Variants in TGFB3 observed in about 807,000 individuals in gnomAD.
TGFB3 encodes the protein transforming growth factor beta-3 proprotein.
Under a neutral mutation model 40.1 loss-of-function variants are expected in TGFB3, and 5 were observed. The observed-to-expected ratio is 0.12, with a 90% confidence interval of 0.07 to 0.26. TGFB3 has a LOEUF of 0.26. Among genes scored for constraint, TGFB3 ranks in the 10% least tolerant of loss-of-function variants. The pLI, the probability that TGFB3 is intolerant of heterozygous loss-of-function variation, is 1.00. For synonymous variants in TGFB3, 184 were observed against 205.6 expected (o/e 0.89, Z 0.90); for missense variants, 373 against 530.1 (o/e 0.70, Z 2.91).
In TGFB3 at chr14:75,980,526, G is replaced by C. The variant is rs1475238665; in HGVS notation, c.352+16C>G. ...GACCCTCCAGAGCAGACACCCCAGC[G>C]AGAATTTGGACTTACTGTGCTCCGC... On this transcript the variant is annotated intron_variant, in intron 1 of 6. Transcript: ENST00000238682. This position sits in a 1 kb window ranked among gnomAD's most constrained non-coding sequence, Gnocchi z 4.3. The C allele has an allele frequency of 1.2e-6, 2 of 1,613,448 alleles. No individual in the cohort carries two copies. The highest frequency in any genetic ancestry group is 1.7e-6 in the Non-Finnish European group (2 of 1,179,348).
chr14:75,962,307 C>T (rs2035167098), intron 5 of TGFB3, among the ~76,000 whole-genome samples: 1 of 152,196 alleles, frequency 6.6e-6, no homozygotes, highest in Non-Finnish European at 1.5e-5. Flanking sequence ...TGATTTGTTC[C>T]TAACTGATGG....
chr14:75,959,170 C>G lies in TGFB3; in HGVS notation c.*17G>C. ...AGTGGTGGTTCTCTCTCCCCTCTCT[C>G]TGTCGCACGTGGGGTCTCAGCTACA... On this transcript the variant is annotated 3_prime_UTR_variant, in exon 7 of 7. Transcript: ENST00000238682. The G allele has an allele frequency of 6.2e-7, 1 of 1,614,154 alleles. No individual in the cohort carries two copies. Among genetic ancestry groups the G allele is most frequent in the Non-Finnish European group, 8.5e-7 (1 of 1,179,998 alleles).
rs2035441226 is a variant in TGFB3 at position 75,981,971 on chromosome 14, C to G, written c.-1078G>C. Among the ~76,000 whole-genome samples the G allele has an allele frequency of 6.6e-6, 1 of 151,856 alleles. No homozygotes were observed. Among genetic ancestry groups the G allele is most frequent in the Non-Finnish European group, 1.5e-5 (1 of 67,954 alleles). On this transcript the variant is annotated 5_prime_UTR_variant, in exon 1 of 7. Transcript: ENST00000238682. The surrounding 1 kb of genome is among the most constrained non-coding windows in gnomAD (Gnocchi z 4.7). Reference sequence around the variant, plus strand: ...CGCTCCTCTCCCTCTCTCTCTCACACACACACACATGCACACACACTGCTT... The same window carrying G: ...CGCTCCTCTCCCTCTCTCTCTCACAGACACACACATGCACACACACTGCTT...
rs948456812 is a variant in TGFB3 at position 75,980,290 on chromosome 14, G to C, written c.352+252C>G. Reference sequence around the variant, plus strand: ...AATTAAAATCAGTCAAGGATGTGATGTGAATTCAGCAAGCCACTCAGCTCC... The same window carrying C: ...AATTAAAATCAGTCAAGGATGTGATCTGAATTCAGCAAGCCACTCAGCTCC... On this transcript the variant is annotated intron_variant, in intron 1 of 6. Transcript: ENST00000238682. The surrounding 1 kb of genome is among the most constrained non-coding windows in gnomAD (Gnocchi z 4.3). Among the ~76,000 whole-genome samples, 2 of 152,210 alleles carry C rather than the reference G, an allele frequency of 1.3e-5. No individual in the cohort carries two copies. The highest frequency in any genetic ancestry group is 2.9e-5 in the Non-Finnish European group (2 of 68,032).
rs756473057 is a variant in TGFB3, at chr14:75,980,168, G to C, written c.352+374C>G. ...AACCGTAAGGGCTCCTGACAGAGCCGGCCTTCCCCTTTATGGCACCCAGAT... is the reference window on the plus strand; with the variant it reads ...AACCGTAAGGGCTCCTGACAGAGCCCGCCTTCCCCTTTATGGCACCCAGAT... On this transcript the variant is annotated intron_variant, in intron 1 of 6. Coordinates refer to ENST00000238682, the MANE Select transcript of TGFB3 (RefSeq NM_003239.5). This position sits in a 1 kb window ranked among gnomAD's most constrained non-coding sequence, Gnocchi z 4.3. Among the ~76,000 whole-genome samples the C allele has an allele frequency of 2.0e-5, 3 of 152,156 alleles. No individual in the cohort carries two copies. Among genetic ancestry groups the C allele is most frequent in the South Asian group, 4.1e-4 (2 of 4,830 alleles).
At chr14:75,976,842 T>C (rs1408708109) in intron 1 of TGFB3, among the ~76,000 whole-genome samples, 2 of 152,200 alleles carry the variant, frequency 1.3e-5, no homozygotes, top group Non-Finnish European at 2.9e-5. Flanking sequence ...CTGTAGGCAC[T>C]TGTGTTTGCC....
Position 75,978,415 on chromosome 14 carries a change from C to T in TGFB3, c.352+2127G>A, listed in dbSNP as rs1316083844. On this transcript the variant is annotated intron_variant, in intron 1 of 6. Transcript: ENST00000238682. This position sits in a 1 kb window ranked among gnomAD's most constrained non-coding sequence, Gnocchi z 5.0. ...TGTGTGTCTGCCTCTCTGGGGTGGG[C>T]TCAGCACCCGACCAGCTGCAGGGCG... Among the ~76,000 whole-genome samples the T allele has an allele frequency of 6.6e-6, 1 of 152,196 alleles. No homozygotes were observed. The highest frequency in any genetic ancestry group is 6.5e-5 in the Admixed American group (1 of 15,280).
intron 5 of TGFB3, among the ~76,000 whole-genome samples, chr14:75,961,620 C>T (rs2140236632): frequency 6.6e-6 from 1 of 152,308 alleles, no homozygotes; most frequent in East Asian, 1.9e-4. Context: ...AATTCTGTTG[C>T]CTACAGAGAT....
rs1191369907 is a variant in TGFB3, at chr14:75,971,569, T to G, written c.502A>C (p.Ile168Leu). The G allele has an allele frequency of 6.2e-7, 1 of 1,614,054 alleles. No individual in the cohort carries two copies. The highest frequency in any genetic ancestry group is 8.5e-7 in the Non-Finnish European group (1 of 1,180,026). ...NPSSKRNEQR[I>L]ELFQILRPDE... The stretch of plus-strand genomic sequence containing the variant: ...AGAGGAGTTACCTGGAAGAGCTCGA[T>G]CCTCTGCTCATTCCGCTTAGAGCTG... The change falls in exon 2 of 7, where the codon ATC becomes CTC. Residue 168 changes from isoleucine (I) to leucine (L), a missense_variant. By Grantham distance (5) the Ile-to-Leu change is conservative (BLOSUM62 2). Coordinates refer to ENST00000238682, the MANE Select transcript of TGFB3 (RefSeq NM_003239.5). The surrounding 1 kb of genome is among the most constrained non-coding windows in gnomAD (Gnocchi z 4.5).
chr14:75,962,094 G>A (rs1029582373), intron 5 of TGFB3, among the ~76,000 whole-genome samples: 1 of 152,118 alleles, frequency 6.6e-6, no homozygotes, highest in African/African-American at 2.4e-5. Flanking sequence ...TAAGGAAAAG[G>A]ATGAAAAGCC....
At chr14:75,975,033 C>T (rs2035336823) in intron 1 of TGFB3, among the ~76,000 whole-genome samples, 1 of 148,946 alleles carries the variant, frequency 6.7e-6, no homozygotes, top group African/African-American at 2.5e-5. Context: ...CAAGATCAGC[C>T]TGGACAACAT....
At position 75,971,425 on chromosome 14, in the gene TGFB3, C is replaced by T. The variant is rs573622773; in HGVS notation, c.516+130G>A. On this transcript the variant is annotated intron_variant, in intron 2 of 6. Transcript: ENST00000238682. The surrounding 1 kb of genome is among the most constrained non-coding windows in gnomAD (Gnocchi z 4.5). ...AGTGTTTTAATGACAGACACAGATA[C>T]GGAAACGAAGGCTCAGAGAAGCCAG... 2.5e-5 allele frequency: 38 copies of T among 1,523,716 alleles called. No individual in the cohort carries two copies. In the Admixed American group the frequency reaches 2.7e-4, roughly 11 times the overall value. The allele number at this position is 1,523,716 out of a possible 1,614,324, so 94.4% of individuals were successfully genotyped here.
At chr14:75,959,664 G>T (rs1316919936) in intron 6 of TGFB3, among the ~76,000 whole-genome samples, 1 of 151,978 alleles carries the variant, frequency 6.6e-6, no homozygotes, top group African/African-American at 2.4e-5. Flanking sequence ...CCAGCTACTT[G>T]GGAGGCTGAG....
At chr14:75,966,882 A>G (rs1443082776) in intron 3 of TGFB3, among the ~76,000 whole-genome samples, 1 of 152,222 alleles carries the variant, frequency 6.6e-6, no homozygotes, top group Non-Finnish European at 1.5e-5. Context: ...GTAAGACTTA[A>G]TTTGGGAAGC....
chr14:75,979,316 T>A lies in TGFB3; in HGVS notation c.352+1226A>T, dbSNP rs1389613232. Among the ~76,000 whole-genome samples the A allele has an allele frequency of 6.6e-6, 1 of 152,072 alleles. No individual in the cohort carries two copies. Among genetic ancestry groups the A allele is most frequent in the Admixed American group, 6.5e-5 (1 of 15,280 alleles). ...TCTCCAGCCAGGTTCCTTTCACCCC[T>A]TGCTGTGTGCTCTGCTGACCACCCT... On this transcript the variant is annotated intron_variant, in intron 1 of 6. Transcript: ENST00000238682. This position sits in a 1 kb window ranked among gnomAD's most constrained non-coding sequence, Gnocchi z 4.8.
chr14:75,979,183 C>A lies in TGFB3; in HGVS notation c.352+1359G>T, dbSNP rs984221542. ...AGCCACAGGAAGCTGGAGCGGGAAC[C>A]CCTCGCCAGTAACCACAGGCTCCTC... is the stretch of plus-strand genomic sequence containing the variant. On this transcript the variant is annotated intron_variant, in intron 1 of 6. Transcript: ENST00000238682. The surrounding 1 kb of genome is among the most constrained non-coding windows in gnomAD (Gnocchi z 4.8). Among the ~76,000 whole-genome samples, 3 of 152,148 alleles carry A rather than the reference C, an allele frequency of 2.0e-5. No homozygotes were observed. The highest frequency in any genetic ancestry group is 7.2e-5 in the African/African-American group (3 of 41,430).
In TGFB3 at chr14:75,979,045, G is replaced by T. The variant is rs1344901048; in HGVS notation, c.352+1497C>A. ...GCTGCTAGGTGCCTCTGGGAACTGT[G>T]GGTCTCTGAGCCAGCCCCACCCAGA... On this transcript the variant is annotated intron_variant, in intron 1 of 6. Transcript: ENST00000238682. The surrounding 1 kb of genome is among the most constrained non-coding windows in gnomAD (Gnocchi z 4.8). Among the ~76,000 whole-genome samples the T allele has an allele frequency of 6.6e-6, 1 of 152,136 alleles. No homozygotes were observed. The highest frequency in any genetic ancestry group is 1.5e-5 in the Non-Finnish European group (1 of 68,008).
Position 75,971,290 on chromosome 14 carries a change from CA to C in TGFB3, c.517-36del, listed in dbSNP as rs758478018. The stretch of plus-strand genomic sequence containing the variant: ...AGAGAAAGGAGTGAGTACCCGAGAC[CA>C]GGACAGAGTGCCCCAGAAGATGTCA... On this transcript the variant is annotated intron_variant, in intron 2 of 6. Transcript: ENST00000238682. The surrounding 1 kb of genome is among the most constrained non-coding windows in gnomAD (Gnocchi z 4.5). The C allele has an allele frequency of 6.2e-7, 1 of 1,613,726 alleles. No individual in the cohort carries two copies. The highest frequency in any genetic ancestry group is 8.5e-7 in the Non-Finnish European group (1 of 1,179,932).
intron 6 of TGFB3, among the ~76,000 whole-genome samples, chr14:75,960,089 C>T (rs3917214): frequency 2.0e-5 from 3 of 151,850 alleles, no homozygotes; most frequent in African/African-American, 2.4e-5. Context: ...ATTACAAGCG[C>T]GTGCCACCAC....
Sources: gnomAD v4.1 joint callset for allele counts (sites outside exome capture counted in the v4.1 genomes callset) on GRCh38, gnomAD v4.1.1 for gene constraint, Gnocchi (gnomAD v3.1) non-coding constraint, MANE v1.5 for transcripts, NCBI Gene and HGNC (gene_info 2026-07-23, HGNC 2026-07-21) for gene names.